The following IGSF10 variants were observed in gnomAD, a reference collection of about 807,000 sequenced individuals.
IGSF10 encodes the protein calvaria mechanical force protein 608.
In IGSF10, 126 loss-of-function variants were observed where a neutral mutation model predicts 128.2. That is an observed-to-expected ratio of 0.98 (90% CI 0.85 to 1.14). The LOEUF (loss-of-function observed/expected upper bound fraction) is 1.14. Ranked by LOEUF, IGSF10 falls within the 50% of genes most tolerant of loss-of-function variation. The probability of loss-of-function intolerance (pLI) is 0.00; values close to 1 mark genes in which losing one functional copy is unlikely to be tolerated. For missense variants in IGSF10, 3,295 were observed against 3,149.8 expected, an observed-to-expected ratio of 1.05 and a Z score of -1.10; for synonymous variants, 1,185 against 1,146.2, an observed-to-expected ratio of 1.03 and a Z score of -0.68.
chr3:151,604,328 T>C, the IGSF10 span, among the ~76,000 whole-genome samples: 2 of 152,098 alleles, frequency 1.3e-5, 1 homozygote, highest in South Asian at 4.1e-4. Flanking sequence ...TTATATCCTA[T>C]GGTAAAATGA....
At chr3:151,531,197 G>T in the IGSF10 span, among the ~76,000 whole-genome samples, 56,395 of 151,948 alleles carry the variant, frequency 0.37, 10,740 homozygotes, top group Middle Eastern at 0.47. Flanking sequence ...AGCAAGTTCT[G>T]AGAGACCTAA....
upstream of IGSF10, among the ~76,000 whole-genome samples, chr3:151,465,656 G>A (rs1344475101): frequency 1.3e-5 from 2 of 152,148 alleles, no homozygotes; most frequent in Non-Finnish European, 2.9e-5. Context: ...ACATTTTTCT[G>A]ATTTCTCCAG....
At chr3:151,433,794 G>T (rs1210952249), downstream of IGSF10, 1 of 152,598 alleles carries the variant, frequency 6.6e-6, no homozygotes, top group Non-Finnish European at 1.5e-5. Flanking sequence ...TGTTTATTTT[G>T]TATGGTAAGT....
the IGSF10 span, among the ~76,000 whole-genome samples, chr3:151,589,639 T>C: frequency 6.6e-6 from 1 of 152,216 alleles, no homozygotes; most frequent in African/African-American, 2.4e-5. Context: ...TATTTCATAG[T>C]CTTTGAAATA....
the IGSF10 span, among the ~76,000 whole-genome samples, chr3:151,546,978 C>T: frequency 2.0e-5 from 3 of 150,372 alleles, no homozygotes; most frequent in Non-Finnish European, 4.4e-5. Flanking sequence ...ACCATGTGGA[C>T]CAGGCTGGTC....
the IGSF10 span, among the ~76,000 whole-genome samples, chr3:151,539,080 T>C: frequency 6.6e-6 from 1 of 152,178 alleles, no homozygotes; most frequent in Non-Finnish European, 1.5e-5. Context: ...TCAGCTTCAT[T>C]GCTGTTGGAA....
chr3:151,562,731 G>A, the IGSF10 span, among the ~76,000 whole-genome samples: 1 of 151,916 alleles, frequency 6.6e-6, no homozygotes. Flanking sequence ...GCTCTACTGT[G>A]GTGCCAGACC....
chr3:151,561,886 T>C, the IGSF10 span, among the ~76,000 whole-genome samples: 3 of 152,180 alleles, frequency 2.0e-5, no homozygotes, highest in Non-Finnish European at 4.4e-5. Context: ...TTATTTAAAT[T>C]ACACAAATAA....
chr3:151,574,972 G>A, the IGSF10 span, among the ~76,000 whole-genome samples: 1 of 152,162 alleles, frequency 6.6e-6, no homozygotes, highest in Non-Finnish European at 1.5e-5. Context: ...CTCACAGTCA[G>A]GTCCCTCAGC....
chr3:151,506,599 CT>C, the IGSF10 span, among the ~76,000 whole-genome samples: 1 of 151,982 alleles, frequency 6.6e-6, no homozygotes, highest in Non-Finnish European at 1.5e-5. Context: ...CTTAAGTGAA[CT>C]TTTATTTGAG....
At chr3:151,576,988 C>T in the IGSF10 span, among the ~76,000 whole-genome samples, 2 of 152,138 alleles carry the variant, frequency 1.3e-5, no homozygotes, top group Non-Finnish European at 2.9e-5. Context: ...TTTACTCTGT[C>T]GGCTTGCTCT....
the IGSF10 span, among the ~76,000 whole-genome samples, chr3:151,594,331 CTTT>C: frequency 5.8e-5 from 7 of 121,508 alleles, no homozygotes; most frequent in Admixed American, 8.4e-5. Flanking sequence ...ATAAAAACTG[CTTT>C]TTTTTTTTTT....
chr3:151,435,573 A>G (rs544526842), downstream of IGSF10: 17 of 152,264 alleles, frequency 1.1e-4, no homozygotes, highest in South Asian at 8.3e-4. Context: ...GTGCACTGAG[A>G]TATCTAAGAC....
At chr3:151,547,978 G>C in the IGSF10 span, among the ~76,000 whole-genome samples, 1 of 152,110 alleles carries the variant, frequency 6.6e-6, no homozygotes, top group Admixed American at 6.6e-5. Context: ...AAAAATGGTT[G>C]CAAAATATCT....
chr3:151,454,390 A>AT (rs1317000475), intron 4 of IGSF10, among the ~76,000 whole-genome samples: 3 of 152,140 alleles, frequency 2.0e-5, no homozygotes, highest in Non-Finnish European at 4.4e-5. Flanking sequence ...TAATTTTGAG[A>AT]TATATAGAAG....
Position 151,446,984 on chromosome 3 carries a change from A to G in IGSF10, c.2997T>C (p.Asn999=), listed in dbSNP as rs777084503. The G allele has an allele frequency of 2.5e-6, 4 of 1,614,132 alleles. No individual in the cohort carries two copies. The highest frequency in any genetic ancestry group is 2.2e-5 in the South Asian group (2 of 91,080). ...TGAACAGCGGGATGTTAACTGTACT[A>G]TTTCTAGGGATCGGAAACTGAGAAT... is the stretch of plus-strand genomic sequence containing the variant. ...AAHSQFPIPR[N]STVNIPLFRR... Residue 999 remains asparagine (N), a synonymous_variant, in exon 6 of 8, where the codon AAT becomes AAC. Transcript: ENST00000282466.
At chr3:151,520,852 T>C in the IGSF10 span, among the ~76,000 whole-genome samples, 1 of 151,762 alleles carries the variant, frequency 6.6e-6, no homozygotes, top group African/African-American at 2.4e-5. Context: ...TAATACACAA[T>C]GACAGAATCA....
chr3:151,467,176 C>T, the IGSF10 span, among the ~76,000 whole-genome samples: 1 of 152,176 alleles, frequency 6.6e-6, no homozygotes, highest in Non-Finnish European at 1.5e-5. Context: ...CTAACTTCGA[C>T]TGTTTCTTCT....
At chr3:151,592,592 C>T in the IGSF10 span, among the ~76,000 whole-genome samples, 1 of 152,182 alleles carries the variant, frequency 6.6e-6, no homozygotes, top group South Asian at 2.1e-4. Flanking sequence ...CAGGTCTGCT[C>T]TTTGTCTCAA....
Sources: gnomAD v4.1 joint callset for allele counts (sites outside exome capture counted in the v4.1 genomes callset) on GRCh38, gnomAD v4.1.1 for gene constraint, MANE v1.5 for transcripts, NCBI Gene and HGNC (gene_info 2026-07-23, HGNC 2026-07-21) for gene names.